SEMA6D: variants seen among roughly 807,000 people sequenced by gnomAD.
SEMA6D encodes semaphorin 6D, also known as semaphorin-6D.
SEMA6D carries 35 observed loss-of-function variants against 106.6 expected under a neutral mutation model. That is an observed-to-expected ratio of 0.33 (90% CI 0.25 to 0.44). SEMA6D has a LOEUF of 0.44. Among genes scored for constraint, SEMA6D ranks in the 20% least tolerant of loss-of-function variants. The pLI is 1.00. For synonymous variants in SEMA6D, 499 were observed against 487.7 expected (o/e 1.02, Z -0.31); for missense variants, 1,185 against 1,345.9 (o/e 0.88, Z 1.87).
chr15:47,422,180 G>GCCTGCCTTCCTTCCTTCCTTCCTTCCTT (rs1455030787), intron 2 of SEMA6D, among the ~76,000 whole-genome samples: 20 of 112,870 alleles, frequency 1.8e-4, no homozygotes, highest in African/African-American at 3.8e-4. Context: ...CCGCCTGCCT[G>GCCTGCCTTCCTTCCTTCCTTCCTTCCTT]CCTTCCTTCC....
At chr15:47,343,071 C>T (rs1254019201) in intron 1 of SEMA6D, among the ~76,000 whole-genome samples, 1 of 152,022 alleles carries the variant, frequency 6.6e-6, no homozygotes, top group African/African-American at 2.4e-5. Flanking sequence ...TTACCTGTAT[C>T]TTCCCTGTTG....
intron 2 of SEMA6D, among the ~76,000 whole-genome samples, chr15:47,443,395 C>G (rs1024251028): frequency 6.6e-6 from 1 of 152,062 alleles, no homozygotes; most frequent in African/African-American, 2.4e-5. Context: ...TCTGACTGCT[C>G]TGATCCCATC....
At chr15:47,618,349 T>C (rs1675871988) in intron 4 of SEMA6D, among the ~76,000 whole-genome samples, 1 of 152,230 alleles carries the variant, frequency 6.6e-6, no homozygotes, top group South Asian at 2.1e-4. Context: ...ACCGAGGCTC[T>C]AAAAGGACTG....
intron 3 of SEMA6D, among the ~76,000 whole-genome samples, chr15:47,518,895 A>ATT (rs201327141): frequency 6.6e-6 from 1 of 151,470 alleles, no homozygotes; most frequent in African/African-American, 2.4e-5. Context: ...TTTGCAGTTA[A>ATT]TTTTTTTTTA....
In SEMA6D at chr15:47,440,128, G is replaced by A. The variant is rs1596000284; in HGVS notation, c.-159+27656G>A. Among the ~76,000 whole-genome samples the A allele has an allele frequency of 1.3e-5, 2 of 150,212 alleles. 1 individual carries two copies. The highest frequency in any genetic ancestry group is 3.9e-4 in the East Asian group (2 of 5,146). On this transcript the variant is annotated intron_variant, in intron 2 of 19. Coordinates refer to the SEMA6D transcript ENST00000558014. ...AATATGCCAAGACAGTTGTGCACGT[G>A]TTAGAGACTGGATGAAAGCAGTGGT...
intron 2 of SEMA6D, among the ~76,000 whole-genome samples, chr15:47,436,935 GA>G (rs1247771454): frequency 3.0e-4 from 30 of 99,478 alleles, no homozygotes; most frequent in Admixed American, 7.1e-4. Flanking sequence ...TTCTGTTTCA[GA>G]AAAAAAAAAA....
intron 1 of SEMA6D, among the ~76,000 whole-genome samples, chr15:47,295,329 T>C (rs899851953): frequency 2.0e-5 from 3 of 152,248 alleles, no homozygotes; most frequent in Non-Finnish European, 4.4e-5. Context: ...ATTAATCTTA[T>C]TTTTCCAACT....
intron 18 of SEMA6D, 113 bp from the exon 19 acceptor site, chr15:47,770,384 G>A (rs574968525): frequency 2.2e-5 from 18 of 837,204 alleles, no homozygotes; most frequent in East Asian, 5.1e-5. Flanking sequence ...TTGACCCTCC[G>A]AGCTAAGCAT....
chr15:47,420,089 G>A (rs2041104341), intron 2 of SEMA6D, among the ~76,000 whole-genome samples: 1 of 152,148 alleles, frequency 6.6e-6, no homozygotes, highest in African/African-American at 2.4e-5. Flanking sequence ...TTATCCTTCA[G>A]AAGGGTGATG....
intron 3 of SEMA6D, 126 bp from the exon 4 acceptor site, chr15:47,760,852 T>C: frequency 1.2e-6 from 1 of 825,944 alleles, no homozygotes; most frequent in Non-Finnish European, 1.9e-6. Context: ...TTGACTTTGT[T>C]TGAGACAGAG....
At chr15:47,726,873 T>C (rs2079790968) in intron 1 of SEMA6D, among the ~76,000 whole-genome samples, 1 of 152,184 alleles carries the variant, frequency 6.6e-6, no homozygotes, top group African/African-American at 2.4e-5. Context: ...CTTTAACTGA[T>C]ATATGTACCT....
At chr15:47,453,877 C>T (rs1449731780) in intron 2 of SEMA6D, among the ~76,000 whole-genome samples, 1 of 151,902 alleles carries the variant, frequency 6.6e-6, no homozygotes, top group African/African-American at 2.4e-5. Flanking sequence ...AAGGAGCCCT[C>T]CTCATCTGAG....
intron 1 of SEMA6D, among the ~76,000 whole-genome samples, chr15:47,322,448 T>C (rs7169340): frequency 0.22 from 32,712 of 151,944 alleles, 4,104 homozygotes; most frequent in African/African-American, 0.33. Context: ...TTTTGTACAA[T>C]ATCTATCAAT....
At chr15:47,301,712 G>A (rs115481628) in intron 1 of SEMA6D, among the ~76,000 whole-genome samples, 2,990 of 152,300 alleles carry the variant, frequency 0.02, 104 homozygotes, top group African/African-American at 0.068. Context: ...TTCCCTCTTA[G>A]CAACAGCTGT....
Position 47,560,050 on chromosome 15 carries a change from T to C in SEMA6D, c.-86-40815T>C, listed in dbSNP as rs368631575. On this transcript the variant is annotated intron_variant, in intron 3 of 19. Coordinates refer to the SEMA6D transcript ENST00000558014. ...ACCATGGAGGCAGACTTCACAGATA[T>C]AGTCTATGTAAATTACTAAACAAAC... 5.3e-5 allele frequency among the ~76,000 whole-genome samples: 8 copies of C among 152,228 alleles called. 1 individual carries two copies. Among genetic ancestry groups the C allele is most frequent in the African/African-American group, 1.9e-4 (8 of 41,562 alleles).
chr15:47,703,491 A>C (rs943961542), intron 4 of SEMA6D, among the ~76,000 whole-genome samples: 1 of 152,152 alleles, frequency 6.6e-6, no homozygotes, highest in African/African-American at 2.4e-5. Context: ...GCAAACTTTC[A>C]CGTGCATCAC....
chr15:47,561,157 A>G (rs956149908), intron 3 of SEMA6D, among the ~76,000 whole-genome samples: 7 of 152,106 alleles, frequency 4.6e-5, no homozygotes, highest in Admixed American at 2.6e-4. Context: ...TGAATCTCAC[A>G]CAGAAATACT....
intron 1 of SEMA6D, among the ~76,000 whole-genome samples, chr15:47,314,182 C>T (rs2036550169): frequency 6.6e-6 from 1 of 152,124 alleles, no homozygotes. Context: ...TATCTGATGA[C>T]ATATGATGTG....
intron 3 of SEMA6D, among the ~76,000 whole-genome samples, chr15:47,494,790 A>ATATATATATAT (rs1596149084): frequency 4.8e-5 from 4 of 82,846 alleles, no homozygotes; most frequent in South Asian, 3.9e-4. Flanking sequence ...ATATATATAT[A>ATATATATATAT]ATCTCCAGAT....
Sources: gnomAD v4.1 joint callset for allele counts (sites outside exome capture counted in the v4.1 genomes callset) on GRCh38, gnomAD v4.1.1 for gene constraint, MANE v1.5 for transcripts, NCBI Gene and HGNC (gene_info 2026-07-23, HGNC 2026-07-21) for gene names.